FSTL5: variants seen among roughly 807,000 people sequenced by gnomAD.
The protein encoded by FSTL5 is follistatin-related protein 5.
Under a neutral mutation model 89.1 loss-of-function variants are expected in FSTL5, and 62 were observed. The ratio of observed to expected loss-of-function variants is 0.70; its 90% CI spans 0.57 to 0.86. The LOEUF is 0.86. Ranked by LOEUF, FSTL5 falls within the 40% of genes least tolerant of loss-of-function variation. The pLI, the probability that FSTL5 is intolerant of heterozygous loss-of-function variation, is 0.00. For synonymous variants in FSTL5, 383 were observed against 346.2 expected (o/e 1.11, Z -1.18); for missense variants, 1,057 against 1,001.6 (o/e 1.06, Z -0.75).
At chr4:161,990,261 CA>C (rs1736074351) in intron 3 of FSTL5, among the ~76,000 whole-genome samples, 1 of 151,942 alleles carries the variant, frequency 6.6e-6, no homozygotes, top group Non-Finnish European at 1.5e-5. Context: ...ATGAGACAAT[CA>C]AATACACTGG....
chr4:161,703,345 A>G (rs1056090822), intron 6 of FSTL5, among the ~76,000 whole-genome samples: 7 of 152,070 alleles, frequency 4.6e-5, no homozygotes, highest in Non-Finnish European at 7.4e-5. Context: ...TTTAACTTAC[A>G]TGCTACGTAG....
Position 161,458,604 on chromosome 4 carries a change from T to C in FSTL5, c.1716+608A>G, listed in dbSNP as rs73861535. 4.4e-3 allele frequency among the ~76,000 whole-genome samples: 667 copies of C among 152,294 alleles called. 4 individuals are homozygous for C. The highest frequency in any genetic ancestry group is 0.015 in the African/African-American group (615 of 41,562). ...TCGCAAAGCATTTTGAAAAATACTG[T>C]AATATAAAGCACATTTCCAGGGCCA... On this transcript the variant is annotated intron_variant, in intron 14 of 15. Transcript: ENST00000306100.
intron 4 of FSTL5, among the ~76,000 whole-genome samples, chr4:161,903,483 T>C (rs188699373): frequency 1.3e-5 from 2 of 152,090 alleles, no homozygotes; most frequent in East Asian, 1.9e-4. Context: ...AATTTAAATA[T>C]AGTTTAATAA....
chr4:162,119,498 A>G (rs1380811740), intron 1 of FSTL5, among the ~76,000 whole-genome samples: 1 of 152,194 alleles, frequency 6.6e-6, no homozygotes, highest in Non-Finnish European at 1.5e-5. Context: ...AAACATGGTA[A>G]TTTTTTCAGT....
intron 13 of FSTL5, among the ~76,000 whole-genome samples, chr4:161,476,189 G>GTTTTTTTTTTTTTTTTTTTT (rs1241724019): frequency 1.1e-4 from 12 of 106,884 alleles, no homozygotes; most frequent in East Asian, 3.0e-4. Context: ...TTTTTTTTTT[G>GTTTTTTTTTTTTTTTTTTTT]TTTGTTTGTT....
intron 2 of FSTL5, among the ~76,000 whole-genome samples, chr4:162,052,122 G>A (rs1738397059): frequency 1.3e-5 from 2 of 151,518 alleles, no homozygotes. Context: ...AAATACAACA[G>A]AGACTTGATG....
At chr4:161,725,473 A>T (rs949820992) in intron 6 of FSTL5, among the ~76,000 whole-genome samples, 4 of 151,820 alleles carry the variant, frequency 2.6e-5, no homozygotes, top group African/African-American at 7.2e-5. Flanking sequence ...TTACTATATT[A>T]AAAGTTACTT....
Position 162,090,205 on chromosome 4 carries a change from C to T in FSTL5, c.126+21066G>A, listed in dbSNP as rs112563982. Among the ~76,000 whole-genome samples the T allele has an allele frequency of 3.3e-3, 498 of 152,086 alleles. 2 individuals are homozygous for T. Among genetic ancestry groups the T allele is most frequent in the African/African-American group, 0.011 (465 of 41,506 alleles). On this transcript the variant is annotated intron_variant, in intron 2 of 15. Transcript: ENST00000306100. The stretch of plus-strand genomic sequence containing the variant: ...ACAGGCAAAAATTTCATGACTGATA[C>T]CAAAAACAATCAGAACAAAAGCAAA...
chr4:161,622,868 C>T (rs890509465), intron 7 of FSTL5, among the ~76,000 whole-genome samples: 4 of 152,000 alleles, frequency 2.6e-5, no homozygotes, highest in African/African-American at 7.2e-5. Flanking sequence ...ACTCCCCACC[C>T]CTCACATTGT....
intron 6 of FSTL5, among the ~76,000 whole-genome samples, chr4:161,709,629 C>G (rs960291289): frequency 6.6e-6 from 1 of 151,926 alleles, no homozygotes; most frequent in East Asian, 1.9e-4. Flanking sequence ...AGTGACACAT[C>G]TCTACAAAAA....
intron 15 of FSTL5, among the ~76,000 whole-genome samples, chr4:161,395,602 AACTG>A (rs369665497): frequency 1.7e-4 from 26 of 152,256 alleles, no homozygotes; most frequent in African/African-American, 6.0e-4. Flanking sequence ...TAACTTGGTA[AACTG>A]ACTGTAAATT....
chr4:161,760,076 TCACAAAAGAGCTATTAAGCAA>T (rs535561357), intron 5 of FSTL5, among the ~76,000 whole-genome samples: 158 of 152,258 alleles, frequency 1.0e-3, no homozygotes, highest in Middle Eastern at 3.4e-3. Context: ...ATTCCCTTGG[TCACAAAAGAGCTATTAAGCAA>T]ATGACTGTTT....
At chr4:162,143,748 A>ACCCC (rs71801352) in intron 1 of FSTL5, among the ~76,000 whole-genome samples, 1 of 127,746 alleles carries the variant, frequency 7.8e-6, no homozygotes, top group African/African-American at 3.4e-5. Flanking sequence ...ACACACACAC[A>ACCCC]CCCAGGAAAA....
intron 15 of FSTL5, among the ~76,000 whole-genome samples, chr4:161,443,177 G>A (rs891368483): frequency 2.6e-5 from 4 of 151,892 alleles, no homozygotes; most frequent in Non-Finnish European, 1.5e-5. Flanking sequence ...TGCAACATAT[G>A]GTCTCTGAAT....
At chr4:162,071,347 A>G (rs1297412954) in intron 2 of FSTL5, among the ~76,000 whole-genome samples, 2 of 151,738 alleles carry the variant, frequency 1.3e-5, no homozygotes, top group African/African-American at 4.8e-5. Context: ...GAGTAACTAT[A>G]TTCATATCAC....
chr4:161,527,373 G>A (rs2126524941), intron 10 of FSTL5, among the ~76,000 whole-genome samples: 1 of 152,184 alleles, frequency 6.6e-6, no homozygotes, highest in Non-Finnish European at 1.5e-5. Flanking sequence ...CAAAATGGGA[G>A]AAAATTTTCG....
intron 13 of FSTL5, among the ~76,000 whole-genome samples, chr4:161,469,362 T>G (rs2126430250): frequency 6.6e-6 from 1 of 152,328 alleles, no homozygotes; most frequent in Non-Finnish European, 1.5e-5. Flanking sequence ...ATTCTACTTT[T>G]AATTTTTTAA....
At chr4:161,513,318 AGAG>A (rs35013103) in intron 10 of FSTL5, among the ~76,000 whole-genome samples, 37,011 of 128,990 alleles carry the variant, frequency 0.29, 6,898 homozygotes, top group Non-Finnish European at 0.39. Flanking sequence ...AGACAGAGGA[AGAG>A]GAGGAGGAGG....
chr4:161,437,424 G>A (rs1037155799), intron 15 of FSTL5, among the ~76,000 whole-genome samples: 11 of 151,562 alleles, frequency 7.3e-5, no homozygotes, highest in African/African-American at 2.2e-4. Context: ...AAAATTCGCC[G>A]GGCGTGGTGG....
Sources: gnomAD v4.1 joint callset for allele counts (sites outside exome capture counted in the v4.1 genomes callset) on GRCh38, gnomAD v4.1.1 for gene constraint, MANE v1.5 for transcripts, NCBI Gene and HGNC (gene_info 2026-07-23, HGNC 2026-07-21) for gene names.